Variants in ADAM32 observed in about 807,000 individuals in gnomAD.
ADAM32 encodes disintegrin and metalloproteinase domain-containing protein 32.
A neutral mutation model predicts 114.9 loss-of-function variants in ADAM32; 89 were observed. That is an observed-to-expected ratio of 0.77 (90% CI 0.65 to 0.92). The LOEUF (loss-of-function observed/expected upper bound fraction) is 0.92. ADAM32 is among the 40% of genes least tolerant of loss of function. The pLI is 0.00. For synonymous variants in ADAM32, 285 were observed against 307.5 expected, an observed-to-expected ratio of 0.93 and a Z score of 0.77; for missense variants, 870 against 932.8, an observed-to-expected ratio of 0.93 and a Z score of 0.88.
chr8:39,277,712 T>C (rs769284288), intron 22 of ADAM32, among the ~76,000 whole-genome samples: 1 of 152,204 alleles, frequency 6.6e-6, no homozygotes, highest in Non-Finnish European at 1.5e-5. Flanking sequence ...GGAGGGAGCA[T>C]GCAGGTGAGC....
intron 16 of ADAM32, 60 bp downstream of exon 16, chr8:39,234,142 T>A (rs1809943881): frequency 1.7e-6 from 2 of 1,152,758 alleles, no homozygotes; most frequent in Non-Finnish European, 2.2e-6. Context: ...CATCTTTTTA[T>A]TTAAGTATCA....
chr8:39,215,213 G>A (rs1279724189), intron 12 of ADAM32, among the ~76,000 whole-genome samples: 1 of 151,910 alleles, frequency 6.6e-6, no homozygotes, highest in East Asian at 1.9e-4. Context: ...TTTCTGTGAG[G>A]AATGTCACTG....
intron 16 of ADAM32, among the ~76,000 whole-genome samples, chr8:39,243,979 A>G (rs2129449971): frequency 1.3e-5 from 2 of 152,336 alleles, no homozygotes; most frequent in Middle Eastern, 3.4e-3. Flanking sequence ...TAGCATTGCT[A>G]TACACCAACA....
chr8:39,253,028 A>G (rs1585650219), intron 17 of ADAM32, among the ~76,000 whole-genome samples: 2 of 151,820 alleles, frequency 1.3e-5, no homozygotes, highest in African/African-American at 4.8e-5. Context: ...ATATATCTAC[A>G]AACATGCATG....
At chr8:39,148,999 A>C (rs1274663812) in intron 4 of ADAM32, among the ~76,000 whole-genome samples, 2 of 152,088 alleles carry the variant, frequency 1.3e-5, no homozygotes, top group Non-Finnish European at 2.9e-5. Flanking sequence ...TATTTTGTAG[A>C]TGTTCCATGA....
chr8:39,275,354 A>G (rs1351260261), intron 21 of ADAM32, among the ~76,000 whole-genome samples: 1 of 152,120 alleles, frequency 6.6e-6, no homozygotes, highest in Non-Finnish European at 1.5e-5. Context: ...TTTCTTTCAT[A>G]AAGTTTTAGT....
At chr8:39,230,626 T>A (rs1268705030) in intron 14 of ADAM32, among the ~76,000 whole-genome samples, 1 of 152,200 alleles carries the variant, frequency 6.6e-6, no homozygotes, top group African/African-American at 2.4e-5. Flanking sequence ...GTGAATACTC[T>A]GAACTAGCAT....
At chr8:39,138,180 T>G (rs965981999) in intron 3 of ADAM32, among the ~76,000 whole-genome samples, 1 of 152,158 alleles carries the variant, frequency 6.6e-6, no homozygotes, top group Non-Finnish European at 1.5e-5. Flanking sequence ...TTTTTAGTTC[T>G]TTTTTTATTA....
intron 10 of ADAM32, among the ~76,000 whole-genome samples, chr8:39,174,766 T>G (rs954522156): frequency 1.3e-5 from 2 of 150,312 alleles, no homozygotes; most frequent in African/African-American, 4.9e-5. Flanking sequence ...AATCTATAAA[T>G]TGCTTTGGGC....
At chr8:39,281,278 C>A in intron 23 of ADAM32, 104 bp downstream of exon 23, 1 of 535,672 alleles carries the variant, frequency 1.9e-6, no homozygotes, top group Non-Finnish European at 2.9e-6. Context: ...TGAGCAGCCA[C>A]AATCGATAAA....
At chr8:39,246,286 A>G (rs1436105533) in intron 17 of ADAM32, 120 bp downstream of exon 17, 3 of 760,836 alleles carry the variant, frequency 3.9e-6, no homozygotes, top group African/African-American at 3.5e-5. Context: ...TCTAGCTTCA[A>G]TTGAGAGCTG....
In ADAM32 at chr8:39,283,580, C is replaced by G. The variant is rs77779698; in HGVS notation, c.2319-6C>G. ...GCCTAAAAATGTTATTTCCTTATTTCCTTAGATCCAAATCACAGGACAGTA... is the reference window on the plus strand; with the variant it reads ...GCCTAAAAATGTTATTTCCTTATTTGCTTAGATCCAAATCACAGGACAGTA... On this transcript the variant is annotated splice_region_variant and splice_polypyrimidine_tract_variant and intron_variant, in intron 23 of 24. Transcript: ENST00000379907. 11,845 of 1,591,186 alleles carry G rather than the reference C, an allele frequency of 7.4e-3. 417 individuals are homozygous for G. In the African/African-American group the frequency reaches 0.096, roughly 13 times the overall value.
At chr8:39,276,970 G>C (rs901955295) in intron 22 of ADAM32, among the ~76,000 whole-genome samples, 31 of 152,030 alleles carry the variant, frequency 2.0e-4, no homozygotes, top group African/African-American at 7.5e-4. Context: ...ATTTGTTGAA[G>C]GAATGAATGA....
chr8:39,139,185 T>A (rs1802991835), intron 3 of ADAM32, among the ~76,000 whole-genome samples: 1 of 152,210 alleles, frequency 6.6e-6, no homozygotes, highest in South Asian at 2.1e-4. Flanking sequence ...TTTAGTTAGA[T>A]TCCATCTGTC....
At chr8:39,284,262 C>A (rs1174887147) in intron 24 of ADAM32, among the ~76,000 whole-genome samples, 1 of 151,810 alleles carries the variant, frequency 6.6e-6, no homozygotes, top group Non-Finnish European at 1.5e-5. Flanking sequence ...GTTTATAAAA[C>A]AAATCTGTAA....
At chr8:39,192,287 T>C (rs1244652300) in intron 11 of ADAM32, among the ~76,000 whole-genome samples, 3 of 152,198 alleles carry the variant, frequency 2.0e-5, no homozygotes, top group Non-Finnish European at 4.4e-5. Flanking sequence ...TTTGTCTTTT[T>C]TTATCTTTGT....
intron 11 of ADAM32, among the ~76,000 whole-genome samples, chr8:39,200,249 A>G (rs1011248651): frequency 8.8e-4 from 134 of 152,152 alleles, no homozygotes; most frequent in African/African-American, 2.9e-3. Context: ...CAGTGTAAAA[A>G]TGTTCCTATT....
At chr8:39,108,151 G>A in intron 1 of ADAM32, 1 of 239,482 alleles carries the variant, frequency 4.2e-6, no homozygotes, top group Admixed American at 5.5e-5. Context: ...CCGAGGTGGT[G>A]GTGCGCACCT....
intron 16 of ADAM32, among the ~76,000 whole-genome samples, chr8:39,242,193 G>A (rs946815682): frequency 9.9e-5 from 15 of 152,226 alleles, no homozygotes; most frequent in African/African-American, 3.6e-4. Flanking sequence ...TGTTCATATC[G>A]TTATCAGCAT....
Sources: allele counts gnomAD v4.1 joint callset (sites outside exome capture counted in the v4.1 genomes callset), GRCh38; gene constraint gnomAD v4.1.1; transcripts MANE v1.5; gene names NCBI Gene and HGNC (gene_info 2026-07-23, HGNC 2026-07-21).